Variants in DDX21 observed in about 807,000 individuals in gnomAD.
The protein encoded by DDX21 is nucleolar RNA helicase 2.
DDX21 carries 18 observed loss-of-function variants against 90.0 expected under a neutral mutation model. The observed-to-expected ratio is 0.20, with a 90% CI of 0.14 to 0.30. DDX21 has a LOEUF of 0.30. DDX21 is among the 10% of genes least tolerant of loss of function. The pLI, the probability that DDX21 is intolerant of heterozygous loss-of-function variation, is 1.00. For synonymous variants in DDX21, 294 were observed against 318.0 expected, an observed-to-expected ratio of 0.92 and a Z score of 0.80; for missense variants, 673 against 944.5, an observed-to-expected ratio of 0.71 and a Z score of 3.77.
At chr10:68,964,536 A>G (rs1842916005) in intron 4 of DDX21, among the ~76,000 whole-genome samples, 1 of 150,600 alleles carries the variant, frequency 6.6e-6, no homozygotes, top group Admixed American at 6.7e-5. Flanking sequence ...CTAATTTTGT[A>G]TTTTTAGTAG....
intron 9 of DDX21, 45 bp downstream of exon 9, chr10:68,972,097 G>A: frequency 6.4e-7 from 1 of 1,571,316 alleles, no homozygotes. Context: ...GTTTTTTTTG[G>A]GTATTAAAAC....
intron 8 of DDX21, among the ~76,000 whole-genome samples, chr10:68,970,955 A>ATTT (rs56314802): frequency 0.051 from 3,680 of 72,582 alleles, 669 homozygotes; most frequent in Middle Eastern, 0.15. Context: ...GCCCAGCCTA[A>ATTT]TTTTTTTTTT....
In DDX21 at chr10:68,973,598, G is replaced by A. The variant is rs376356467; in HGVS notation, c.1602G>A (p.Thr534=). The part of the protein sequence containing the change: ...RSGRTGRAGR[T]GVCICFYQHK... ...GGCGGACAGGCAGAGCTGGAAGGAC[G>A]GGGGTGTGCATCTGCTTTTATCAGC... Residue 534 remains threonine (T), a synonymous_variant, in exon 10 of 15, where the codon ACG becomes ACA. Coordinates refer to ENST00000354185, the MANE Select transcript of DDX21 (RefSeq NM_004728.4). 62 of 1,614,104 alleles carry A rather than the reference G, an allele frequency of 3.8e-5. No homozygotes were observed. Among genetic ancestry groups the A allele is most frequent in the Non-Finnish European group, 4.6e-5 (54 of 1,179,994 alleles).
At chr10:68,962,306 A>G (rs1842881883) in intron 3 of DDX21, 149 bp downstream of exon 3, 1 of 599,064 alleles carries the variant, frequency 1.7e-6, no homozygotes, top group Non-Finnish European at 2.9e-6. Flanking sequence ...TATTCAATTT[A>G]GTACTATAGT....
chr10:68,971,522 T>C (rs1329039759), intron 8 of DDX21, among the ~76,000 whole-genome samples: 1 of 152,168 alleles, frequency 6.6e-6, no homozygotes, highest in Non-Finnish European at 1.5e-5. Flanking sequence ...CATGAGCTAC[T>C]GCACCTGGCC....
intron 12 of DDX21, among the ~76,000 whole-genome samples, chr10:68,978,573 T>G (rs757914831): frequency 6.6e-6 from 1 of 152,146 alleles, no homozygotes; most frequent in Non-Finnish European, 1.5e-5. Context: ...TACAGAGAGA[T>G]CCTTTGTATA....
At chr10:68,965,296 C>G in intron 4 of DDX21, 81 bp from the exon 5 acceptor site, 4 of 1,095,406 alleles carry the variant, frequency 3.7e-6, no homozygotes. Context: ...TCGTTCTTTT[C>G]CTGGAATGCT....
chr10:68,981,414 T>C (rs2132097427), intron 13 of DDX21, 123 bp from the exon 14 acceptor site: 7 of 832,904 alleles, frequency 8.4e-6, no homozygotes, highest in Non-Finnish European at 1.4e-5. Context: ...TCTAAAATTA[T>C]ACCTGGTGGT....
At chr10:68,977,074 CT>C (rs976700160) in intron 11 of DDX21, among the ~76,000 whole-genome samples, 155 of 148,542 alleles carry the variant, frequency 1.0e-3, no homozygotes, top group African/African-American at 3.4e-3. Flanking sequence ...CCACACCCAG[CT>C]TTTTTTTTTA....
At chr10:68,956,750 T>C in intron 1 of DDX21, 1 of 1,015,952 alleles carries the variant, frequency 9.8e-7, no homozygotes, top group Non-Finnish European at 1.2e-6. Flanking sequence ...CAAGTCAAAG[T>C]GGGTACTGGA....
intron 9 of DDX21, among the ~76,000 whole-genome samples, chr10:68,973,023 T>G (rs916782169): frequency 2.6e-5 from 4 of 151,990 alleles, no homozygotes; most frequent in African/African-American, 9.7e-5. Context: ...TGTGAAACCC[T>G]GTCTATACTA....
chr10:68,974,843 A>T (rs5030902), intron 11 of DDX21, 100 bp downstream of exon 11: 908,002 of 1,000,318 alleles, frequency 0.91, 411,069 homozygotes, highest in East Asian at 0.99. Flanking sequence ...TTTTTTTTTT[A>T]AAATTTTTGA....
At chr10:68,962,014 C>G in intron 2 of DDX21, 68 bp from the exon 3 acceptor site, 6 of 1,264,358 alleles carry the variant, frequency 4.7e-6, no homozygotes, top group Non-Finnish European at 6.8e-6. Context: ...TTGTCTCTTT[C>G]TCAGAAGGTT....
chr10:68,966,958 C>T (rs755025926), intron 5 of DDX21, 60 bp from the exon 6 acceptor site: 3 of 1,408,376 alleles, frequency 2.1e-6, no homozygotes, highest in Non-Finnish European at 3.0e-6. Flanking sequence ...AACTGTGGTA[C>T]CCCACACAGA....
intron 3 of DDX21, 96 bp downstream of exon 3, chr10:68,962,253 T>C (rs1485933719): frequency 3.3e-6 from 3 of 907,422 alleles, no homozygotes; most frequent in East Asian, 2.5e-5. Context: ...TGTATTCTTA[T>C]TGTAGGCTGA....
At position 68,977,164 on chromosome 10, in the gene DDX21, A is replaced by T. The variant is rs760648551; in HGVS notation, c.1743-365A>T. Reference sequence around the variant, plus strand: ...TGTATAAAAACTCTTGACATAATTCATCATCACATCTAATGGTAGTATGAC... The same window carrying T: ...TGTATAAAAACTCTTGACATAATTCTTCATCACATCTAATGGTAGTATGAC... On this transcript the variant is annotated intron_variant, in intron 11 of 14. Coordinates refer to ENST00000354185, the MANE Select transcript of DDX21 (RefSeq NM_004728.4). 3.9e-5 allele frequency among the ~76,000 whole-genome samples: 6 copies of T among 152,176 alleles called. No homozygotes were observed. In the South Asian group the frequency reaches 1.2e-3, roughly 31 times the overall value.
At chr10:68,964,354 AT>A (rs1279327090) in intron 4 of DDX21, among the ~76,000 whole-genome samples, 3 of 152,022 alleles carry the variant, frequency 2.0e-5, no homozygotes, top group Non-Finnish European at 4.4e-5. Context: ...CCCTTTGTTA[AT>A]TTGTTTACTG....
Position 68,977,514 on chromosome 10 carries a change from ACT to A in DDX21, c.1743-11_1743-10del, listed in dbSNP as rs778141064. On this transcript the variant is annotated splice_polypyrimidine_tract_variant and intron_variant, in intron 11 of 14. Transcript: ENST00000354185. ...CTTCTAGTATCCTTTCTCCTAACAC[ACT>A]CTCAAACAACAGGCTTTTGGATTCC... 1.3e-6 allele frequency: 2 copies of A among 1,592,468 alleles called. No homozygotes were observed. Among genetic ancestry groups the A allele is most frequent in the South Asian group, 1.1e-5 (1 of 89,374 alleles).
intron 7 of DDX21, 79 bp downstream of exon 7, chr10:68,969,200 G>C: frequency 7.4e-7 from 1 of 1,353,090 alleles, no homozygotes. Context: ...ACTGGCAAAT[G>C]CTCTTTTTCC....
Sources: gnomAD v4.1 joint callset for allele counts (sites outside exome capture counted in the v4.1 genomes callset) on GRCh38, gnomAD v4.1.1 for gene constraint, MANE v1.5 for transcripts, NCBI Gene and HGNC (gene_info 2026-07-23, HGNC 2026-07-21) for gene names.